VRK2: variants seen among roughly 807,000 people sequenced by gnomAD.
VRK2 encodes serine/threonine-protein kinase VRK2.
A neutral mutation model predicts 57.6 loss-of-function variants in VRK2; 60 were observed. The observed-to-expected ratio is 1.04, with a 90% CI of 0.85 to 1.29. The LOEUF (loss-of-function observed/expected upper bound fraction) is 1.29. Ranked by LOEUF, VRK2 falls within the 50% of genes most tolerant of loss-of-function variation. The probability of loss-of-function intolerance (pLI) is 0.00; values close to 1 mark genes in which losing one functional copy is unlikely to be tolerated. For synonymous variants in VRK2, 231 were observed against 199.2 expected, an observed-to-expected ratio of 1.16 and a Z score of -1.35; for missense variants, 705 against 588.1, an observed-to-expected ratio of 1.20 and a Z score of -2.06.
At position 58,097,261 on chromosome 2, in the gene VRK2, G is replaced by A. The variant is rs545625559; in HGVS notation, c.543+7538G>A. On this transcript the variant is annotated intron_variant, in intron 7 of 12. Transcript: ENST00000340157. ...TTTGTACTAAGAGTGGTGTTTAAACGTCTACTCTTATTAGTGTTTCTCTCT... is the reference window on the plus strand; with the variant it reads ...TTTGTACTAAGAGTGGTGTTTAAACATCTACTCTTATTAGTGTTTCTCTCT... Among the ~76,000 whole-genome samples, 545 of 151,760 alleles carry A rather than the reference G, an allele frequency of 3.6e-3. 2 individuals carry two copies. Among genetic ancestry groups the A allele is most frequent in the African/African-American group, 0.012 (508 of 41,434 alleles).
intron 1 of VRK2, among the ~76,000 whole-genome samples, chr2:57,936,224 C>T (rs376834029): frequency 2.6e-4 from 40 of 152,314 alleles, no homozygotes; most frequent in Middle Eastern, 3.4e-3. Flanking sequence ...GTCCAGCTTA[C>T]TTGCAATTTA....
At chr2:57,990,828 C>T (rs942873170) in intron 1 of VRK2, among the ~76,000 whole-genome samples, 2 of 150,098 alleles carry the variant, frequency 1.3e-5, no homozygotes, top group African/African-American at 5.0e-5. Context: ...CTCTTATTTT[C>T]CCATTATGAT....
chr2:58,044,839 T>C (rs1227414404), upstream of VRK2, among the ~76,000 whole-genome samples: 1 of 152,182 alleles, frequency 6.6e-6, no homozygotes, highest in Admixed American at 6.5e-5. Flanking sequence ...CAGTGTTCTT[T>C]TCAACGACTG....
At chr2:57,986,596 ATTTTTTTTTTT>A (rs11452161) in intron 1 of VRK2, among the ~76,000 whole-genome samples, 5,304 of 124,572 alleles carry the variant, frequency 0.043, 344 homozygotes, top group African/African-American at 0.15. Flanking sequence ...AGTTCAATCG[ATTTTTTTTTTT>A]TTTTTTTTTG....
At chr2:58,079,411 G>A (rs1371214649) in intron 2 of VRK2, among the ~76,000 whole-genome samples, 3 of 151,860 alleles carry the variant, frequency 2.0e-5, no homozygotes, top group Admixed American at 1.3e-4. Flanking sequence ...ATCTATTAAC[G>A]ACTTGCCCCA....
intron 7 of VRK2, among the ~76,000 whole-genome samples, chr2:58,108,084 A>T (rs1314212289): frequency 2.0e-5 from 3 of 152,298 alleles, no homozygotes; most frequent in African/African-American, 7.2e-5. Context: ...GTTAGTCACC[A>T]GTCAGCTAGT....
intron 2 of VRK2, among the ~76,000 whole-genome samples, chr2:58,049,717 A>G (rs1025446307): frequency 1.3e-5 from 2 of 152,194 alleles, no homozygotes; most frequent in African/African-American, 4.8e-5. Context: ...TCCTAAATGT[A>G]CTCACTTGAG....
At chr2:58,003,554 A>T (rs1187543700) in intron 1 of VRK2, among the ~76,000 whole-genome samples, 1 of 152,136 alleles carries the variant, frequency 6.6e-6, no homozygotes, top group Non-Finnish European at 1.5e-5. Context: ...GAAAACTGCA[A>T]ATTATTTTTA....
At chr2:58,026,067 T>C (rs1425606968) in intron 2 of VRK2, among the ~76,000 whole-genome samples, 1 of 152,200 alleles carries the variant, frequency 6.6e-6, no homozygotes, top group East Asian at 1.9e-4. Context: ...GGGATTTTAA[T>C]ACTTCAACTA....
intron 2 of VRK2, among the ~76,000 whole-genome samples, chr2:58,056,251 T>G (rs569141656): frequency 6.6e-6 from 1 of 152,300 alleles, no homozygotes; most frequent in East Asian, 1.9e-4. Context: ...TGTGTAAACT[T>G]TATCTATGGA....
Position 58,159,511 on chromosome 2 carries a change from T to C in VRK2, c.1345T>C (p.Ser449Pro). 1 of 1,613,700 alleles carries C rather than the reference T, an allele frequency of 6.2e-7. No homozygotes were observed. The highest frequency in any genetic ancestry group is 8.5e-7 in the Non-Finnish European group (1 of 1,179,764). Residue 449 changes from serine to proline, a missense_variant, in exon 13 of 13, where the codon TCT (serine) becomes CCT (proline). Coordinates refer to ENST00000340157, the MANE Select transcript of VRK2 (RefSeq NM_006296.7). ...PDIFKKSRSP[S>P]WYKYTSTVST... ...TATATTCAAGAAGTCAAGATCTCCA[T>C]CTTGGTATAAATACACTTCCACAGT...
intron 2 of VRK2, among the ~76,000 whole-genome samples, chr2:58,075,359 G>A (rs960545706): frequency 2.0e-5 from 3 of 151,978 alleles, no homozygotes; most frequent in African/African-American, 7.2e-5. Context: ...CATGTGCATG[G>A]GTCTTTTTGG....
chr2:58,138,794 CTG>C (rs1218665520), intron 10 of VRK2, among the ~76,000 whole-genome samples: 2 of 152,200 alleles, frequency 1.3e-5, no homozygotes, highest in Admixed American at 6.5e-5. Flanking sequence ...CTAAACATCT[CTG>C]TGAACAAATG....
At chr2:57,975,719 T>G (rs1672230243) in intron 1 of VRK2, among the ~76,000 whole-genome samples, 1 of 151,946 alleles carries the variant, frequency 6.6e-6, no homozygotes, top group Non-Finnish European at 1.5e-5. Flanking sequence ...TGGCTCCTAC[T>G]TATAAGTGAG....
intron 1 of VRK2, among the ~76,000 whole-genome samples, chr2:57,985,371 T>A (rs894459161): frequency 7.9e-5 from 12 of 152,084 alleles, no homozygotes; most frequent in Admixed American, 3.9e-4. Flanking sequence ...AGATTTGACA[T>A]ATTTCTGTGG....
chr2:58,093,607 T>G (rs1672692137), intron 7 of VRK2, among the ~76,000 whole-genome samples: 1 of 152,218 alleles, frequency 6.6e-6, no homozygotes, highest in Admixed American at 6.5e-5. Context: ...TCTCCCATTT[T>G]GTAGGTTGCC....
chr2:58,047,673 A>G (rs1047128851), intron 1 of VRK2, among the ~76,000 whole-genome samples: 3 of 152,152 alleles, frequency 2.0e-5, no homozygotes, highest in Non-Finnish European at 2.9e-5. Flanking sequence ...CTCCACAAAA[A>G]CTTTTCCTGC....
intron 2 of VRK2, among the ~76,000 whole-genome samples, chr2:58,059,010 G>A (rs927974332): frequency 2.6e-5 from 4 of 151,934 alleles, no homozygotes; most frequent in Admixed American, 1.3e-4. Context: ...TGATAGTATT[G>A]GCAGCTAATT....
At chr2:57,967,270 T>C (rs1671950178) in intron 1 of VRK2, among the ~76,000 whole-genome samples, 1 of 152,080 alleles carries the variant, frequency 6.6e-6, no homozygotes. Context: ...AAATACCTAA[T>C]GTAGATGACG....
Sources: gnomAD v4.1 joint callset for allele counts (sites outside exome capture counted in the v4.1 genomes callset) on GRCh38, gnomAD v4.1.1 for gene constraint, MANE v1.5 for transcripts, NCBI Gene and HGNC (gene_info 2026-07-23, HGNC 2026-07-21) for gene names.